The following STAG1 variants were observed in gnomAD, a reference collection of about 807,000 sequenced individuals.
The protein encoded by STAG1 is STAG1 cohesin complex component.
STAG1 carries 26 observed loss-of-function variants against 170.9 expected under a neutral mutation model. That is an observed-to-expected ratio of 0.15 (90% confidence interval 0.11 to 0.21). The LOEUF is 0.21. Among genes scored for constraint, STAG1 ranks in the 10% least tolerant of loss-of-function variants. STAG1 has a pLI of 1.00. For synonymous variants in STAG1, 514 were observed against 497.7 expected, an observed-to-expected ratio of 1.03 and a Z score of -0.44; for missense variants, 964 against 1,509.5, an observed-to-expected ratio of 0.64 and a Z score of 5.99.
rs1943297391 is a variant in STAG1 at position 136,708,750 on chromosome 3, T to C, written c.-84+43445A>G. Among the ~76,000 whole-genome samples the C allele has an allele frequency of 2.0e-5, 3 of 152,122 alleles. No homozygotes were observed. The South Asian group carries it at 6.2e-4, about 32-fold the overall frequency. The stretch of plus-strand genomic sequence containing the variant: ...TATATAGCTACTTAAAATTGTTAGG[T>C]GCTTAGTTTCACCCCTCCCATCCCA... On this transcript the variant is annotated intron_variant, in intron 1 of 33. Coordinates refer to ENST00000383202, the MANE Select transcript of STAG1 (RefSeq NM_005862.3).
At chr3:136,364,503 G>A (rs1429762900) in intron 25 of STAG1, among the ~76,000 whole-genome samples, 2 of 152,036 alleles carry the variant, frequency 1.3e-5, no homozygotes, top group African/African-American at 4.8e-5. Context: ...TTACTTCTGG[G>A]GGGTGGGCCT....
At chr3:136,464,166 G>A (rs1048778557) in intron 13 of STAG1, among the ~76,000 whole-genome samples, 1 of 152,068 alleles carries the variant, frequency 6.6e-6, no homozygotes, top group Non-Finnish European at 1.5e-5. Flanking sequence ...GCTCATGCCT[G>A]TAATCCCAGC....
intron 29 of STAG1, among the ~76,000 whole-genome samples, chr3:136,347,911 T>C (rs1016049870): frequency 1.3e-5 from 2 of 152,208 alleles, no homozygotes; most frequent in South Asian, 2.1e-4. Flanking sequence ...TGCTCAAAGG[T>C]TGCATAGCTG....
At chr3:136,659,819 A>G (rs1941516292) in intron 1 of STAG1, among the ~76,000 whole-genome samples, 1 of 152,250 alleles carries the variant, frequency 6.6e-6, no homozygotes, top group Non-Finnish European at 1.5e-5. Context: ...AACATATGCT[A>G]TAATATACTA....
intron 16 of STAG1, among the ~76,000 whole-genome samples, chr3:136,428,484 T>C (rs936211866): frequency 6.6e-6 from 1 of 152,196 alleles, no homozygotes; most frequent in African/African-American, 2.4e-5. Flanking sequence ...AATGGTCTAC[T>C]TGCTCCTAAA....
At chr3:136,620,205 A>G (rs1459590110) in intron 3 of STAG1, among the ~76,000 whole-genome samples, 1 of 150,364 alleles carries the variant, frequency 6.7e-6, no homozygotes, top group Admixed American at 6.6e-5. Flanking sequence ...GCCTTTTAAA[A>G]GTAATAAATT....
chr3:136,681,127 T>TC (rs1328423797), intron 1 of STAG1, among the ~76,000 whole-genome samples: 6 of 152,186 alleles, frequency 3.9e-5, no homozygotes, highest in African/African-American at 1.2e-4. Flanking sequence ...CATTCTTTTT[T>TC]CCCCAAAATA....
At chr3:136,626,081 T>C (rs1940078938) in intron 2 of STAG1, among the ~76,000 whole-genome samples, 2 of 148,466 alleles carry the variant, frequency 1.3e-5, no homozygotes, top group South Asian at 2.1e-4. Context: ...ACAACAAAAA[T>C]GAAACTATAA....
intron 5 of STAG1, among the ~76,000 whole-genome samples, chr3:136,557,628 C>T (rs1936679610): frequency 6.6e-6 from 1 of 152,096 alleles, no homozygotes; most frequent in African/African-American, 2.4e-5. Context: ...CCGTAACCTC[C>T]GCCTCCCAGG....
At chr3:136,486,247 A>G (rs749899909) in intron 9 of STAG1, among the ~76,000 whole-genome samples, 57 of 152,214 alleles carry the variant, frequency 3.7e-4, no homozygotes, top group Non-Finnish European at 6.0e-4. Flanking sequence ...ATTGGGTTAG[A>G]AGCAATGCAC....
At position 136,385,753 on chromosome 3, in the gene STAG1, G is replaced by A. The variant is rs112548279; in HGVS notation, c.2278-8001C>T. 1.7e-4 allele frequency among the ~76,000 whole-genome samples: 26 copies of A among 152,248 alleles called. 1 individual carries two copies. Among genetic ancestry groups the A allele is most frequent in the African/African-American group, 6.3e-4 (26 of 41,564 alleles). On this transcript the variant is annotated intron_variant, in intron 22 of 33. Coordinates refer to ENST00000383202, the MANE Select transcript of STAG1 (RefSeq NM_005862.3). ...GTCTCACTATGTCTCCCAGGCTGGAGTGCAGTGGCACAATCATAGCTCAAT... is the reference window on the plus strand; with the variant it reads ...GTCTCACTATGTCTCCCAGGCTGGAATGCAGTGGCACAATCATAGCTCAAT...
intron 1 of STAG1, among the ~76,000 whole-genome samples, chr3:136,678,106 G>C (rs1386663604): frequency 6.6e-6 from 1 of 150,460 alleles, no homozygotes; most frequent in Non-Finnish European, 1.5e-5. Flanking sequence ...AGTGATAGAA[G>C]TATCAATTGC....
intron 1 of STAG1, among the ~76,000 whole-genome samples, chr3:136,657,189 CTTTTTTTT>C (rs67826395): frequency 8.0e-4 from 74 of 92,260 alleles, no homozygotes; most frequent in African/African-American, 2.7e-3. Flanking sequence ...TTCTTTCTTT[CTTTTTTTT>C]TTTTTTTTTT....
At chr3:136,550,626 T>C (rs1335744909) in intron 5 of STAG1, among the ~76,000 whole-genome samples, 3 of 152,100 alleles carry the variant, frequency 2.0e-5, no homozygotes, top group African/African-American at 7.2e-5. Flanking sequence ...TTTTTCTCCA[T>C]AACTCAGTCT....
chr3:136,744,268 G>A (rs759734637), intron 1 of STAG1, among the ~76,000 whole-genome samples: 2 of 152,066 alleles, frequency 1.3e-5, no homozygotes, highest in African/African-American at 2.4e-5. Flanking sequence ...CAGAGGATGC[G>A]GTAAGCCGAG....
At chr3:136,626,761 T>C (rs535694428) in intron 2 of STAG1, among the ~76,000 whole-genome samples, 8 of 152,332 alleles carry the variant, frequency 5.3e-5, no homozygotes, top group African/African-American at 9.6e-5. Context: ...ATAATACATA[T>C]GCACAAAAAC....
chr3:136,360,943 C>T (rs960930360), intron 26 of STAG1, among the ~76,000 whole-genome samples: 1 of 152,200 alleles, frequency 6.6e-6, no homozygotes, highest in Non-Finnish European at 1.5e-5. Context: ...GCTGGGATTA[C>T]AGGCTGTTTA....
intron 20 of STAG1, among the ~76,000 whole-genome samples, chr3:136,418,199 C>T (rs560139550): frequency 1.3e-5 from 2 of 151,134 alleles, no homozygotes; most frequent in South Asian, 2.1e-4. Flanking sequence ...ATTAAAAATA[C>T]ACACAAAAAA....
intron 2 of STAG1, among the ~76,000 whole-genome samples, chr3:136,626,821 G>C (rs1372694990): frequency 6.6e-6 from 1 of 152,194 alleles, no homozygotes; most frequent in Non-Finnish European, 1.5e-5. Flanking sequence ...GGAAATGAAA[G>C]ATCTGAAAAC....
Sources: allele counts gnomAD v4.1 joint callset (sites outside exome capture counted in the v4.1 genomes callset), GRCh38; gene constraint gnomAD v4.1.1; transcripts MANE v1.5; gene names NCBI Gene and HGNC (gene_info 2026-07-23, HGNC 2026-07-21).